Variants in CMTM8 observed in about 807,000 individuals in gnomAD.
CMTM8 encodes CKLF-like MARVEL transmembrane domain-containing protein 8.
Under a neutral mutation model 18.6 loss-of-function variants are expected in CMTM8, and 12 were observed. The observed-to-expected ratio is 0.65, with a 90% confidence interval of 0.41 to 1.05. The LOEUF is 1.05. CMTM8 is among the 50% of genes least tolerant of loss of function. The pLI is 0.00. For synonymous variants in CMTM8, 87 were observed against 90.6 expected (o/e 0.96, Z 0.23); for missense variants, 217 against 227.2 (o/e 0.95, Z 0.29).
At chr3:32,314,375 G>C (rs991449283) in intron 1 of CMTM8, among the ~76,000 whole-genome samples, 20 of 152,274 alleles carry the variant, frequency 1.3e-4, no homozygotes, top group Admixed American at 7.2e-4. Context: ...ATTGAGGGAG[G>C]GTTGATGCAA....
chr3:32,279,206 T>A (rs2125548574), intron 1 of CMTM8, among the ~76,000 whole-genome samples: 1 of 150,666 alleles, frequency 6.6e-6, no homozygotes, highest in East Asian at 1.9e-4. Flanking sequence ...ACTTTAAGTT[T>A]TAGGGTACAT....
At chr3:32,256,536 G>A (rs1702176225) in intron 1 of CMTM8, among the ~76,000 whole-genome samples, 1 of 152,168 alleles carries the variant, frequency 6.6e-6, no homozygotes, top group African/African-American at 2.4e-5. Flanking sequence ...CCATGCAAAT[G>A]TAGCACTGGT....
intron 1 of CMTM8, among the ~76,000 whole-genome samples, chr3:32,274,299 CAA>C (rs11391716): frequency 3.7e-5 from 5 of 135,006 alleles, no homozygotes; most frequent in Non-Finnish European, 3.2e-5. Context: ...GACCCTGTCT[CAA>C]AAAAAAAAAA....
chr3:32,300,108 G>T (rs562821427), intron 1 of CMTM8, among the ~76,000 whole-genome samples: 92 of 152,326 alleles, frequency 6.0e-4, no homozygotes, highest in African/African-American at 2.2e-3. Flanking sequence ...AAGACCCAAA[G>T]ATACAGGGGA....
At chr3:32,302,774 G>A (rs907991375) in intron 1 of CMTM8, among the ~76,000 whole-genome samples, 1 of 152,132 alleles carries the variant, frequency 6.6e-6, no homozygotes, top group Non-Finnish European at 1.5e-5. Flanking sequence ...AAACCTGTGC[G>A]CACACACACG....
At chr3:32,284,259 AAAC>A (rs1702646403) in intron 1 of CMTM8, among the ~76,000 whole-genome samples, 1 of 152,260 alleles carries the variant, frequency 6.6e-6, no homozygotes, top group South Asian at 2.1e-4. Context: ...TCTCAAAAAT[AAAC>A]AACAATAACA....
chr3:32,301,127 G>A (rs988224581), intron 1 of CMTM8, among the ~76,000 whole-genome samples: 81 of 152,094 alleles, frequency 5.3e-4, no homozygotes, highest in Non-Finnish European at 1.1e-3. Flanking sequence ...GAGCATCAGG[G>A]GTACTGCTAT....
intron 1 of CMTM8, among the ~76,000 whole-genome samples, chr3:32,304,537 A>G (rs1282545375): frequency 1.3e-5 from 2 of 152,220 alleles, no homozygotes; most frequent in Non-Finnish European, 2.9e-5. Flanking sequence ...AGATTGTCAT[A>G]CTCAATCTAT....
Position 32,280,095 on chromosome 3 carries a change from G to A in CMTM8, c.147+40976G>A, listed in dbSNP as rs539851783. Among the ~76,000 whole-genome samples, 24 of 152,128 alleles carry A rather than the reference G, an allele frequency of 1.6e-4. No individual in the cohort carries two copies. In the South Asian group the frequency reaches 4.4e-3, roughly 28 times the overall value. ...CTTCATAGTGGTAACCAAGCACTTC[G>A]TAGTGGCCACCAATCAGGAGGAAGT... is the stretch of plus-strand genomic sequence containing the variant. On this transcript the variant is annotated intron_variant, in intron 1 of 3. Coordinates refer to ENST00000307526, the MANE Select transcript of CMTM8 (RefSeq NM_178868.5).
chr3:32,326,213 G>T (rs1272203291), intron 1 of CMTM8, among the ~76,000 whole-genome samples: 3 of 152,182 alleles, frequency 2.0e-5, no homozygotes, highest in Non-Finnish European at 4.4e-5. Context: ...ACAGCCATTG[G>T]CAAAGGAGAT....
At chr3:32,276,755 C>T (rs1408987410) in intron 1 of CMTM8, among the ~76,000 whole-genome samples, 1 of 152,196 alleles carries the variant, frequency 6.6e-6, no homozygotes, top group Non-Finnish European at 1.5e-5. Flanking sequence ...ACCTCCCACT[C>T]CTCCTTCATG....
At chr3:32,260,166 C>T in intron 1 of CMTM8, 1 of 1,189,484 alleles carries the variant, frequency 8.4e-7, no homozygotes, top group South Asian at 1.2e-5. Flanking sequence ...AAGACCACCA[C>T]CTGCCGGAGA....
chr3:32,285,615 A>G (rs1702669475), intron 1 of CMTM8, among the ~76,000 whole-genome samples: 1 of 152,160 alleles, frequency 6.6e-6, no homozygotes, highest in Admixed American at 6.6e-5. Flanking sequence ...CCTGGTTGTG[A>G]TAAAGTACTG....
At chr3:32,337,169 A>G (rs1696405418) in intron 1 of CMTM8, among the ~76,000 whole-genome samples, 2 of 152,206 alleles carry the variant, frequency 1.3e-5, no homozygotes, top group South Asian at 4.1e-4. Context: ...CCTCCCAAAG[A>G]TCCCACCTCT....
At chr3:32,348,053 G>A (rs1049717721) in intron 1 of CMTM8, among the ~76,000 whole-genome samples, 1 of 152,016 alleles carries the variant, frequency 6.6e-6, no homozygotes, top group Non-Finnish European at 1.5e-5. Context: ...TCCTTTTGGT[G>A]AGTCATGTCC....
chr3:32,254,223 T>C (rs1483249863), intron 1 of CMTM8, among the ~76,000 whole-genome samples: 1 of 152,204 alleles, frequency 6.6e-6, no homozygotes, highest in Admixed American at 6.5e-5. Context: ...TTGAGTGGGA[T>C]TTGTATAACA....
intron 1 of CMTM8, among the ~76,000 whole-genome samples, chr3:32,266,411 A>T (rs1374874187): frequency 6.6e-6 from 1 of 152,242 alleles, no homozygotes; most frequent in Non-Finnish European, 1.5e-5. Context: ...ACAGCCCTTC[A>T]TGCTAAAAAC....
intron 1 of CMTM8, among the ~76,000 whole-genome samples, chr3:32,328,344 T>TGGGTGATG (rs1165107073): frequency 1.7e-5 from 2 of 119,920 alleles, no homozygotes; most frequent in Non-Finnish European, 3.3e-5. Context: ...CACTCCAGCC[T>TGGGTGATG]GGGTGATGGA....
At position 32,315,561 on chromosome 3, in the gene CMTM8, C is replaced by T. The variant is rs138815837; in HGVS notation, c.148-41812C>T. Among the ~76,000 whole-genome samples the T allele has an allele frequency of 7.7e-4, 118 of 152,276 alleles. 1 individual carries two copies. In the East Asian group the frequency reaches 0.022, roughly 28 times the overall value. ...CAGCGAAGGCACCCACAGTGGGATC[C>T]CTGGAATGTTAAAGCAAAAGAGATT... On this transcript the variant is annotated intron_variant, in intron 1 of 3. Coordinates refer to ENST00000307526, the MANE Select transcript of CMTM8 (RefSeq NM_178868.5).
Sources: gnomAD v4.1 joint callset for allele counts (sites outside exome capture counted in the v4.1 genomes callset) on GRCh38, gnomAD v4.1.1 for gene constraint, MANE v1.5 for transcripts, NCBI Gene and HGNC (gene_info 2026-07-23, HGNC 2026-07-21) for gene names.